The following TYW1B variants were observed in gnomAD, a reference collection of about 807,000 sequenced individuals.
The protein encoded by TYW1B is S-adenosyl-L-methionine-dependent tRNA 4-demethylwyosine synthase TYW1B.
TYW1B carries 73 observed loss-of-function variants against 86.9 expected under a neutral mutation model. The observed-to-expected ratio is 0.84, with a 90% CI of 0.70 to 1.02. The LOEUF (loss-of-function observed/expected upper bound fraction) is 1.02. Among genes scored for constraint, TYW1B ranks in the 50% least tolerant of loss-of-function variants. The pLI, the probability that TYW1B is intolerant of heterozygous loss-of-function variation, is 0.00. For synonymous variants in TYW1B, 248 were observed against 292.8 expected (o/e 0.85, Z 1.56); for missense variants, 637 against 827.4 (o/e 0.77, Z 2.82).
At chr7:72,802,370 C>T in intron 6 of TYW1B, 30 bp downstream of exon 6, 1 of 1,613,194 alleles carries the variant, frequency 6.2e-7, no homozygotes, top group Non-Finnish European at 8.5e-7. Context: ...CTGCGGGAGC[C>T]AAGTGCAACA....
intron 7 of TYW1B, among the ~76,000 whole-genome samples, chr7:72,750,399 G>A (rs2129571474): frequency 6.6e-6 from 1 of 152,128 alleles, no homozygotes; most frequent in Admixed American, 6.6e-5. Flanking sequence ...CTCCCTTCTT[G>A]CTTCCATGGT....
intron 11 of TYW1B, among the ~76,000 whole-genome samples, chr7:72,632,398 A>ATAATATATATATACGTATATATATG (rs1812541525): frequency 9.9e-6 from 1 of 100,806 alleles, no homozygotes; most frequent in Admixed American, 1.2e-4. Context: ...GTATATATAT[A>ATAATATATATATACGTATATATATG]TAATATATAT....
intron 11 of TYW1B, among the ~76,000 whole-genome samples, chr7:72,686,946 A>G (rs1381545922): frequency 6.6e-6 from 1 of 152,196 alleles, no homozygotes; most frequent in Non-Finnish European, 1.5e-5. Flanking sequence ...GATGATTCAC[A>G]GACCAAATTG....
rs1217491584 is a variant in TYW1B, at chr7:72,701,338, A to G, written c.1371-6516T>C. On this transcript the variant is annotated intron_variant, in intron 10 of 13. Coordinates refer to ENST00000620995, the MANE Select transcript of TYW1B (RefSeq NM_001145440.3). ...GAGTGCAGTCGCATGATCATGGCTCACTGCAATCTTGAACTCCTGAGCTCA... is the reference window on the plus strand; with the variant it reads ...GAGTGCAGTCGCATGATCATGGCTCGCTGCAATCTTGAACTCCTGAGCTCA... Among the ~76,000 whole-genome samples, 3 of 152,136 alleles carry G rather than the reference A, an allele frequency of 2.0e-5. No individual in the cohort carries two copies. In the East Asian group the frequency reaches 5.8e-4, roughly 29 times the overall value.
chr7:72,779,611 G>GGA (rs1435723503), intron 6 of TYW1B, among the ~76,000 whole-genome samples: 2 of 150,572 alleles, frequency 1.3e-5, no homozygotes, highest in African/African-American at 4.9e-5. Flanking sequence ...CAGCTACCAG[G>GGA]GAGGCTGAGG....
At chr7:72,768,114 G>C (rs1448761412) in intron 7 of TYW1B, among the ~76,000 whole-genome samples, 3 of 151,918 alleles carry the variant, frequency 2.0e-5, no homozygotes, top group Non-Finnish European at 4.4e-5. Context: ...CTTTTGCCAG[G>C]CATGGTGGCA....
At chr7:72,755,536 C>T (rs1787571931) in intron 7 of TYW1B, among the ~76,000 whole-genome samples, 1 of 152,104 alleles carries the variant, frequency 6.6e-6, no homozygotes, top group Non-Finnish European at 1.5e-5. Flanking sequence ...GTTAGCCAGG[C>T]GTGGTGGTGC....
rs1812002476 is a variant in TYW1B at position 72,614,003 on chromosome 7, G to T, written c.1785+2669C>A. On this transcript the variant is annotated intron_variant, in intron 13 of 13. Transcript: ENST00000620995. ...AAGACGATGTGTGCACATGTATGCT[G>T]GGGGGGTGGGGGGCAGGGGTGGGGA... is the stretch of plus-strand genomic sequence containing the variant. Among the ~76,000 whole-genome samples the T allele has an allele frequency of 2.0e-5, 3 of 150,536 alleles. No individual in the cohort carries two copies. The South Asian group carries it at 6.3e-4, about 32-fold the overall frequency.
At chr7:72,717,394 C>T (rs1786810903) in intron 9 of TYW1B, among the ~76,000 whole-genome samples, 1 of 152,072 alleles carries the variant, frequency 6.6e-6, no homozygotes, top group Admixed American at 6.6e-5. Flanking sequence ...TTTATTTAAC[C>T]CAAAACAACA....
Position 72,742,532 on chromosome 7 carries a change from T to C in TYW1B, c.1082+1952A>G, listed in dbSNP as rs548122547. 2.0e-5 allele frequency among the ~76,000 whole-genome samples: 3 copies of C among 152,278 alleles called. No individual in the cohort carries two copies. The South Asian group carries it at 6.2e-4, about 32-fold the overall frequency. On this transcript the variant is annotated intron_variant, in intron 8 of 13. Coordinates refer to ENST00000620995, the MANE Select transcript of TYW1B (RefSeq NM_001145440.3). ...TCTATGTTAATGGGCATACAGTATATAAAGTTGTAATTTGTGACAATGACA... is the reference window on the plus strand; with the variant it reads ...TCTATGTTAATGGGCATACAGTATACAAAGTTGTAATTTGTGACAATGACA...
At chr7:72,674,866 A>G (rs1585894160) in intron 11 of TYW1B, among the ~76,000 whole-genome samples, 1 of 149,154 alleles carries the variant, frequency 6.7e-6, no homozygotes, top group African/African-American at 2.5e-5. Flanking sequence ...CAAAGTGCTG[A>G]GATTACAGGT....
chr7:72,755,862 G>A (rs1787577532), intron 7 of TYW1B, among the ~76,000 whole-genome samples: 1 of 152,224 alleles, frequency 6.6e-6, no homozygotes, highest in South Asian at 2.1e-4. Context: ...CAGAGGCCAA[G>A]AATCGGGTTC....
intron 11 of TYW1B, among the ~76,000 whole-genome samples, chr7:72,663,692 G>A (rs1464127343): frequency 3.3e-5 from 5 of 149,680 alleles, no homozygotes; most frequent in Non-Finnish European, 4.4e-5. Flanking sequence ...TGAACCCGGG[G>A]GGCGGAGCTT....
chr7:72,617,105 G>A lies in TYW1B; in HGVS notation c.1618-266C>T, dbSNP rs560357562. ...GCTTTCTACCGTTGTCACAATCTAGGCTGTCTGGTCACAATAATGTATTTG... is the reference window on the plus strand; with the variant it reads ...GCTTTCTACCGTTGTCACAATCTAGACTGTCTGGTCACAATAATGTATTTG... On this transcript the variant is annotated intron_variant, in intron 12 of 13. Transcript: ENST00000620995. Among the ~76,000 whole-genome samples the A allele has an allele frequency of 4.4e-4, 67 of 152,288 alleles. No homozygotes were observed. The South Asian group carries it at 0.014, about 32-fold the overall frequency.
At chr7:72,662,371 G>A (rs1309654245) in intron 11 of TYW1B, among the ~76,000 whole-genome samples, 1 of 151,954 alleles carries the variant, frequency 6.6e-6, no homozygotes, top group Non-Finnish European at 1.5e-5. Context: ...TGTGGTTCAC[G>A]TGTTAGGAGG....
At chr7:72,644,529 CAG>C (rs1187717271) in intron 11 of TYW1B, among the ~76,000 whole-genome samples, 1 of 152,100 alleles carries the variant, frequency 6.6e-6, no homozygotes, top group East Asian at 1.9e-4. Flanking sequence ...GCCCGGGCGA[CAG>C]AGTGAGACTC....
chr7:72,675,606 C>T (rs1813718391), intron 11 of TYW1B, among the ~76,000 whole-genome samples: 1 of 150,696 alleles, frequency 6.6e-6, no homozygotes, highest in Non-Finnish European at 1.5e-5. Context: ...CACACACACA[C>T]ATGCACTGTA....
intron 11 of TYW1B, among the ~76,000 whole-genome samples, chr7:72,661,791 G>A (rs1813335144): frequency 1.3e-5 from 2 of 152,018 alleles, no homozygotes; most frequent in African/African-American, 4.8e-5. Context: ...TATTCAAACT[G>A]CACCTCCACT....
intron 8 of TYW1B, among the ~76,000 whole-genome samples, chr7:72,741,549 A>G (rs1376432509): frequency 6.6e-6 from 1 of 152,200 alleles, no homozygotes; most frequent in Non-Finnish European, 1.5e-5. Flanking sequence ...GAAGGAGATA[A>G]GAAGGAACAG....
Sources: gnomAD v4.1 joint callset for allele counts (sites outside exome capture counted in the v4.1 genomes callset) on GRCh38, gnomAD v4.1.1 for gene constraint, MANE v1.5 for transcripts, NCBI Gene and HGNC (gene_info 2026-07-23, HGNC 2026-07-21) for gene names.